The following MTG1 variants were observed in gnomAD, a reference collection of about 807,000 sequenced individuals.
MTG1 encodes the protein mitochondrial ribosome-associated GTPase 1.
In MTG1, 30 loss-of-function variants were observed where a neutral mutation model predicts 39.5. That is an observed-to-expected ratio of 0.76 (90% CI 0.57 to 1.03). The LOEUF (loss-of-function observed/expected upper bound fraction) is 1.03. Among genes scored for constraint, MTG1 ranks in the 50% least tolerant of loss-of-function variants. The probability of loss-of-function intolerance (pLI) is 0.00; values close to 1 mark genes in which losing one functional copy is unlikely to be tolerated. For missense variants in MTG1, 513 were observed against 447.4 expected (o/e 1.15, Z -1.32); for synonymous variants, 217 against 179.0 (o/e 1.21, Z -1.69).
At chr10:133,416,227 C>T (rs774308454) in intron 9 of MTG1, among the ~76,000 whole-genome samples, 1 of 151,918 alleles carries the variant, frequency 6.6e-6, no homozygotes, top group Non-Finnish European at 1.5e-5. Flanking sequence ...GAGTTTGGAT[C>T]GTTTTAAAAA....
rs139526159 is a variant in MTG1 at position 133,402,714 on chromosome 10, C to T, written c.693C>T (p.Val231=). 1.3e-3 allele frequency: 2,027 copies of T among 1,607,664 alleles called. 34 individuals carry two copies. In the South Asian group the frequency reaches 0.02, roughly 16 times the overall value. The stretch of plus-strand genomic sequence containing the variant: ...CAGGAACGGTGCTGGACCACCTGGT[C>T]GGGGAGGAGACCATGGCTGACTACC... The part of the protein sequence containing the change: ...ALCGTVLDHL[V]GEETMADYLL... The change falls in exon 9 of 11, where the codon GTC becomes GTT. Residue 231 remains valine (V), a synonymous_variant. Transcript: ENST00000317502. This position sits in a 1 kb window ranked among gnomAD's most constrained non-coding sequence, Gnocchi z 4.7.
chr10:133,404,561 GCAGTCCAGTTTAT>G (rs1366497255), intron 9 of MTG1, among the ~76,000 whole-genome samples: 1 of 152,114 alleles, frequency 6.6e-6, no homozygotes, highest in Non-Finnish European at 1.5e-5. Flanking sequence ...TAATTTTCAT[GCAGTCCAGTTTAT>G]CAGCTAGATC....
At chr10:133,394,453 C>T (rs886385551) in intron 1 of MTG1, 121 bp downstream of exon 1, 3 of 1,324,168 alleles carry the variant, frequency 2.3e-6, no homozygotes, top group African/African-American at 1.6e-5. Context: ...CCCGCCCCTC[C>T]TCCCTTGTCT....
In MTG1 at chr10:133,417,359, G is replaced by A. The variant is rs1221282935; in HGVS notation, c.753-2121G>A. ...ATGCTAAAAACTCTCAATAAATTAG[G>A]TATTGATGGGACGTATCTCAAAATA... On this transcript the variant is annotated intron_variant, in intron 9 of 10. Transcript: ENST00000317502. Among the ~76,000 whole-genome samples, 1,143 of 151,248 alleles carry A rather than the reference G, an allele frequency of 7.6e-3. 8 individuals are homozygous for A. The highest frequency in any genetic ancestry group is 0.026 in the African/African-American group (1,052 of 41,190).
At chr10:133,418,985 C>T (rs769741185) in intron 9 of MTG1, among the ~76,000 whole-genome samples, 34 of 152,358 alleles carry the variant, frequency 2.2e-4, no homozygotes, top group Non-Finnish European at 3.5e-4. Context: ...AGGAAAACAC[C>T]GCTCAAACAC....
rs1849788867 is a variant in MTG1 at position 133,396,726 on chromosome 10, T to C, written c.282+459T>C. On this transcript the variant is annotated intron_variant, in intron 3 of 10. Coordinates refer to ENST00000317502, the MANE Select transcript of MTG1 (RefSeq NM_138384.4). ...ATTACTCTTCATTCCAATATTATTA[T>C]AATTCTTGCTCTATAATCATAACCT... Among the ~76,000 whole-genome samples, 3 of 152,228 alleles carry C rather than the reference T, an allele frequency of 2.0e-5. No homozygotes were observed. In the South Asian group the frequency reaches 6.2e-4, roughly 32 times the overall value.
chr10:133,398,626 G>A (rs1403181430), intron 4 of MTG1, 111 bp downstream of exon 4: 4 of 1,285,820 alleles, frequency 3.1e-6, no homozygotes, highest in Non-Finnish European at 4.3e-6. Flanking sequence ...AAGATCCTAG[G>A]TGTTGGTTTC....
rs769959661 is a variant in MTG1, at chr10:133,402,252, C to T, written c.670+7C>T. 4.7e-5 allele frequency: 62 copies of T among 1,308,084 alleles called. No individual in the cohort carries two copies. Among genetic ancestry groups the T allele is most frequent in the South Asian group, 4.5e-4 (39 of 86,672 alleles). The allele number at this position is 1,308,084 out of a possible 1,614,324, so 81.0% of individuals were successfully genotyped here. A position where few individuals can be genotyped will look rare whatever the true frequency, so the allele number is the denominator to read the frequency against. ...CTGAAGCTGGCCCTGTGTGGTGAGC[C>T]GGGGCTGGGGCTGGGGCTGGGGCTG... On this transcript the variant is annotated splice_region_variant and intron_variant, in intron 8 of 10. Coordinates refer to ENST00000317502, the MANE Select transcript of MTG1 (RefSeq NM_138384.4). This position sits in a 1 kb window ranked among gnomAD's most constrained non-coding sequence, Gnocchi z 4.7.
chr10:133,404,942 A>C (rs1849948885), intron 9 of MTG1, among the ~76,000 whole-genome samples: 1 of 152,128 alleles, frequency 6.6e-6, no homozygotes. Context: ...TGAGATTTGA[A>C]ATCAGGCAGT....
intron 3 of MTG1, among the ~76,000 whole-genome samples, chr10:133,397,998 G>T (rs1002302955): frequency 2.0e-5 from 3 of 152,138 alleles, no homozygotes; most frequent in South Asian, 2.1e-4. Context: ...CCTGCCTTCT[G>T]CCTCCCTGAG....
rs200223770 is a variant in MTG1 at position 133,398,424 on chromosome 10, G to T, written c.283-11G>T. The T allele has an allele frequency of 1.9e-6, 3 of 1,611,274 alleles. No individual in the cohort carries two copies. The highest frequency in any genetic ancestry group is 1.7e-5 in the Admixed American group (1 of 59,228). On this transcript the variant is annotated splice_polypyrimidine_tract_variant and intron_variant, in intron 3 of 10. Transcript: ENST00000317502. ...AAAAAAAGTAACATAGAAATGTTTT[G>T]TGTCTTTCAGAAAATTATGCAACAC...
At chr10:133,398,650 CG>C in intron 4 of MTG1, 135 bp downstream of exon 4, 1 of 959,632 alleles carries the variant, frequency 1.0e-6, no homozygotes. Context: ...CTGCCACACA[CG>C]GATGCGATCT....
chr10:133,394,825 A>G, intron 1 of MTG1: 1 of 862,474 alleles, frequency 1.2e-6, no homozygotes, highest in Non-Finnish European at 1.4e-6. Flanking sequence ...ATTCGGCCCC[A>G]AGAAGACCTC....
rs762484854 is a variant in MTG1 at position 133,402,263 on chromosome 10, CT to C, written c.670+19del. 3.9e-6 allele frequency: 6 copies of C among 1,532,016 alleles called. No individual in the cohort carries two copies. Among genetic ancestry groups the C allele is most frequent in the South Asian group, 1.1e-5 (1 of 89,648 alleles). 94.9% of individuals were successfully genotyped at this position (1,532,016 alleles called of 1,614,324 possible). On this transcript the variant is annotated intron_variant, in intron 8 of 10. Coordinates refer to ENST00000317502, the MANE Select transcript of MTG1 (RefSeq NM_138384.4). This position sits in a 1 kb window ranked among gnomAD's most constrained non-coding sequence, Gnocchi z 4.7. The stretch of plus-strand genomic sequence containing the variant: ...CCTGTGTGGTGAGCCGGGGCTGGGG[CT>C]GGGGCTGGGGCTGGGACCGGGGCCC...
At chr10:133,397,145 T>C (rs996680026) in intron 3 of MTG1, among the ~76,000 whole-genome samples, 2 of 152,246 alleles carry the variant, frequency 1.3e-5, no homozygotes, top group Admixed American at 6.5e-5. Flanking sequence ...CTTGTACACC[T>C]GGCTCTGTCT....
At chr10:133,415,587 A>C (rs1012848578) in intron 9 of MTG1, among the ~76,000 whole-genome samples, 2 of 151,842 alleles carry the variant, frequency 1.3e-5, no homozygotes, top group Admixed American at 6.6e-5. Context: ...GTGGTGTCTG[A>C]TGAGCCGTCT....
At chr10:133,401,235 G>C (rs1426744257) in intron 6 of MTG1, among the ~76,000 whole-genome samples, 1 of 152,172 alleles carries the variant, frequency 6.6e-6, no homozygotes, top group Non-Finnish European at 1.5e-5. Context: ...AGGTTCTGGT[G>C]CATTTGTTGA....
chr10:133,416,864 A>G (rs543563655), intron 9 of MTG1, among the ~76,000 whole-genome samples: 2 of 151,788 alleles, frequency 1.3e-5, no homozygotes, highest in East Asian at 3.9e-4. Context: ...CAATAAACAC[A>G]TGTGTGCATG....
rs1005391364 is a variant in MTG1, at chr10:133,402,015, A to T, written c.574-134A>T. 1 of 916,440 alleles carries T rather than the reference A, an allele frequency of 1.1e-6. No individual in the cohort carries two copies. Among genetic ancestry groups the T allele is most frequent in the African/African-American group, 1.6e-5 (1 of 60,900 alleles). The allele number at this position is 916,440 out of a possible 1,614,324, so 56.8% of individuals were successfully genotyped here. On this transcript the variant is annotated intron_variant, in intron 7 of 10. Transcript: ENST00000317502. This position sits in a 1 kb window ranked among gnomAD's most constrained non-coding sequence, Gnocchi z 4.7. ...GGAACCCTGGAGCTTGGTGAGAGTG[A>T]CGCTGCCATGGGGTTGGGTCCCTGA... is the stretch of plus-strand genomic sequence containing the variant.
Sources: allele counts gnomAD v4.1 joint callset (sites outside exome capture counted in the v4.1 genomes callset), GRCh38; gene constraint gnomAD v4.1.1; non-coding constraint Gnocchi (gnomAD v3.1); transcripts MANE v1.5; gene names NCBI Gene and HGNC (gene_info 2026-07-23, HGNC 2026-07-21).